The following NLRX1 variants were observed in gnomAD, a reference collection of about 807,000 sequenced individuals.
The protein encoded by NLRX1 is NOD-like receptor X1.
In NLRX1, 67 loss-of-function variants were observed where a neutral mutation model predicts 74.2. The ratio of observed to expected loss-of-function variants is 0.90; its 90% CI spans 0.74 to 1.11. NLRX1 has a LOEUF of 1.11. Among genes scored for constraint, NLRX1 ranks in the 50% least tolerant of loss-of-function variants. NLRX1 has a pLI of 0.00. For missense variants in NLRX1, 1,191 were observed against 1,305.4 expected, an observed-to-expected ratio of 0.91 and a Z score of 1.35; for synonymous variants, 506 against 559.1, an observed-to-expected ratio of 0.91 and a Z score of 1.34.
Position 119,182,279 on chromosome 11 carries a change from C to T in NLRX1, c.2540C>T (p.Ala847Val). ...GAGCTGAACGTGGCGTACAACGGTG[C>T]TGGTGACACAGCGGCCCTGGCCCTG... ...LQELNVAYNG[A>V]GDTAALALAR... is the part of the protein sequence containing the mutation. The change falls in exon 9 of 10, where the codon GCT becomes GTT. Residue 847 changes from alanine (A) to valine (V), a missense_variant. Ala to Val is a moderately conservative substitution (Grantham distance 64). Transcript: ENST00000409109. 6.2e-7 allele frequency: 1 copy of T among 1,613,698 alleles called. No individual in the cohort carries two copies. Among genetic ancestry groups the T allele is most frequent in the Non-Finnish European group, 8.5e-7 (1 of 1,180,036 alleles).
At chr11:119,172,331 T>C (rs777542512) in intron 2 of NLRX1, 25 bp from the exon 3 acceptor site, 3 of 1,579,504 alleles carry the variant, frequency 1.9e-6, no homozygotes, top group Non-Finnish European at 2.6e-6. Context: ...GATCTGCAGA[T>C]GCTATTTCTT....
intron 1 of NLRX1, 134 bp from the exon 2 acceptor site, chr11:119,171,222 G>C (rs1446883905): frequency 1.8e-6 from 1 of 544,136 alleles, no homozygotes; most frequent in African/African-American, 2.0e-5. Context: ...AACCAGGCCA[G>C]GGCTTCAGCA....
In NLRX1 at chr11:119,179,881, C is replaced by T. The variant is rs769171445; in HGVS notation, c.1860C>T (p.Phe620=). The T allele has an allele frequency of 6.2e-6, 10 of 1,613,448 alleles. No homozygotes were observed. The highest frequency in any genetic ancestry group is 2.2e-5 in the South Asian group (2 of 91,018). ...HPDEPPEDEV[F]ELFPMFMGGL... ...ATGAGCCCCCTGAGGATGAAGTCTT[C>T]GAGCTCTTCCCCATGTTCATGGGGG... The change falls in exon 7 of 10, where the codon TTC becomes TTT. Residue 620 remains phenylalanine (F), a synonymous_variant. Coordinates refer to ENST00000409109, the MANE Select transcript of NLRX1 (RefSeq NM_001282144.2).
In NLRX1 at chr11:119,173,688, T is replaced by TCTCA. The variant is rs1017255076; in HGVS notation, c.440_443dup (p.Gln148HisfsTer5). ...GGCCGGGCTCCCCCCACTGGCCTTG[T>TCTCA]CTCAGCTCTTTAACCCGGATGCCTG... On this transcript the variant is annotated frameshift_variant, in exon 5 of 10. Coordinates refer to ENST00000409109, the MANE Select transcript of NLRX1 (RefSeq NM_001282144.2). LOFTEE classifies it high-confidence loss of function. This position sits in a 1 kb window ranked among gnomAD's most constrained non-coding sequence, Gnocchi z 4.0. The TCTCA allele has an allele frequency of 2.5e-6, 4 of 1,614,082 alleles. No individual in the cohort carries two copies. The highest frequency in any genetic ancestry group is 3.4e-6 in the Non-Finnish European group (4 of 1,180,002).
In NLRX1 at chr11:119,173,812, T is replaced by C; in HGVS notation, c.563T>C (p.Leu188Pro). The change falls in exon 5 of 10, where the codon CTG becomes CCG. Residue 188 changes from leucine (L) to proline (P), a missense_variant. Coordinates refer to ENST00000409109, the MANE Select transcript of NLRX1 (RefSeq NM_001282144.2). The surrounding 1 kb of genome is among the most constrained non-coding windows in gnomAD (Gnocchi z 4.0). Reference protein sequence around the residue: ...KMVLDWCYGRLPAFELLIPFS... With the variant: ...KMVLDWCYGRPPAFELLIPFS... Reference sequence around the variant, plus strand: ...GTTCTGGACTGGTGTTATGGGCGGCTGCCGGCCTTCGAGCTGCTCATCCCC... The same window carrying C: ...GTTCTGGACTGGTGTTATGGGCGGCCGCCGGCCTTCGAGCTGCTCATCCCC... 1 of 1,613,598 alleles carries C rather than the reference T, an allele frequency of 6.2e-7. No homozygotes were observed. Among genetic ancestry groups the C allele is most frequent in the Non-Finnish European group, 8.5e-7 (1 of 1,180,022 alleles).
Position 119,173,767 on chromosome 11 carries a change from G to A in NLRX1, c.518G>A (p.Ser173Asn). ...TATGGGACAGTGGGCACAGGCAAGAGCACGCTGGTGCGCAAGATGGTTCTG... is the reference window on the plus strand; with the variant it reads ...TATGGGACAGTGGGCACAGGCAAGAACACGCTGGTGCGCAAGATGGTTCTG... ...VLYGTVGTGKSTLVRKMVLDW... is the reference protein window; with the variant it reads ...VLYGTVGTGKNTLVRKMVLDW... The change falls in exon 5 of 10, where the codon AGC becomes AAC. Residue 173 changes from serine to asparagine, a missense_variant. Physicochemically the swap from Ser to Asn is conservative, Grantham distance 46 (BLOSUM62 1). Coordinates refer to ENST00000409109, the MANE Select transcript of NLRX1 (RefSeq NM_001282144.2). This position sits in a 1 kb window ranked among gnomAD's most constrained non-coding sequence, Gnocchi z 4.0. 6.2e-7 allele frequency: 1 copy of A among 1,613,668 alleles called. No homozygotes were observed.
In NLRX1 at chr11:119,180,253, A is replaced by G. The variant is rs755056590; in HGVS notation, c.2232A>G (p.Thr744=). 1.3e-6 allele frequency: 2 copies of G among 1,593,726 alleles called. No homozygotes were observed. Among genetic ancestry groups the G allele is most frequent in the South Asian group, 1.1e-5 (1 of 89,848 alleles). ...AGCTAGATCCTGCTGGGCTGCGCAC[A>G]CTCCTGCCTGTCTTCCTGCGTGCCC... ...SCQLDPAGLR[T]LLPVFLRARK... is the part of the protein sequence containing the mutation. The change falls in exon 7 of 10, where the codon ACA becomes ACG. Residue 744 remains threonine, a synonymous_variant. Transcript: ENST00000409109.
In NLRX1 at chr11:119,183,809, C is replaced by T. The variant is rs1315217056; in HGVS notation, c.*370C>T. 3 of 780,824 alleles carry T rather than the reference C, an allele frequency of 3.8e-6. No individual in the cohort carries two copies. The highest frequency in any genetic ancestry group is 2.7e-5 in the South Asian group (2 of 74,620). The allele number at this position is 780,824 out of a possible 1,614,324, so 48.4% of individuals were successfully genotyped here. ...TCACCAAGGGGCTCACATCTTATGT[C>T]TGCCATGCCAGGGGTGTCGCCATCC... is the stretch of plus-strand genomic sequence containing the variant. On this transcript the variant is annotated 3_prime_UTR_variant, in exon 10 of 10. Coordinates refer to ENST00000409109, the MANE Select transcript of NLRX1 (RefSeq NM_001282144.2). The surrounding 1 kb of genome is among the most constrained non-coding windows in gnomAD (Gnocchi z 5.7).
chr11:119,182,171 ACCTGT>A lies in NLRX1; in HGVS notation c.2435_2439del (p.Leu812ProfsTer36). On this transcript the variant is annotated frameshift_variant, in exon 9 of 10. Coordinates refer to ENST00000409109, the MANE Select transcript of NLRX1 (RefSeq NM_001282144.2). LOFTEE classifies it high-confidence loss of function. Reference sequence around the variant, plus strand: ...CTGGCAGGAAACACCTCAGTGACGCACCTGTCCCTGCTGCACACGGGCCTTGGGGA... The same window carrying A: ...CTGGCAGGAAACACCTCAGTGACGCACCCTGCTGCACACGGGCCTTGGGGA... 1 of 1,614,044 alleles carries A rather than the reference ACCTGT, an allele frequency of 6.2e-7. No individual in the cohort carries two copies. Among genetic ancestry groups the A allele is most frequent in the African/African-American group, 1.3e-5 (1 of 75,036 alleles).
chr11:119,169,780 A>C (rs1164975487), intron 1 of NLRX1, among the ~76,000 whole-genome samples: 3 of 152,140 alleles, frequency 2.0e-5, no homozygotes, highest in Non-Finnish European at 4.4e-5. Flanking sequence ...ACTTGAGCCC[A>C]GGAGTTCGAG....
chr11:119,171,733 A>G (rs916602452), intron 2 of NLRX1, among the ~76,000 whole-genome samples: 1 of 152,080 alleles, frequency 6.6e-6, no homozygotes, highest in Non-Finnish European at 1.5e-5. Flanking sequence ...CAGGCGGATC[A>G]CAAGATCAGG....
At position 119,174,702 on chromosome 11, in the gene NLRX1, G is replaced by A; in HGVS notation, c.1099G>A (p.Ala367Thr). Residue 367 changes from alanine (A) to threonine (T), a missense_variant, in exon 6 of 10, where the codon GCC (alanine) becomes ACC (threonine). Transcript: ENST00000409109. The stretch of plus-strand genomic sequence containing the variant: ...GGAGGGGCACCACCAGATAGCCGCT[G>A]CCTGCTTCCTGCCGTCCTATTGCTG... The part of the protein sequence containing the change: ...NLEGHHQIAA[A>T]CFLPSYCWLV... The A allele has an allele frequency of 6.2e-7, 1 of 1,613,962 alleles. No individual in the cohort carries two copies. Among genetic ancestry groups the A allele is most frequent in the Non-Finnish European group, 8.5e-7 (1 of 1,180,046 alleles).
Position 119,173,120 on chromosome 11 carries a change from C to G in NLRX1, c.229+131C>G. 4.2e-6 allele frequency: 3 copies of G among 711,204 alleles called. No individual in the cohort carries two copies. The highest frequency in any genetic ancestry group is 7.5e-6 in the Non-Finnish European group (3 of 402,458). The allele number at this position is 711,204 out of a possible 1,614,324, so 44.1% of individuals were successfully genotyped here. Reference sequence around the variant, plus strand: ...CGGTGGTCCCTCCTCCTCTCTCTCTCTCCCTCCCATCCGTCTATGTATCCC... The same window carrying G: ...CGGTGGTCCCTCCTCCTCTCTCTCTGTCCCTCCCATCCGTCTATGTATCCC... On this transcript the variant is annotated intron_variant, in intron 4 of 9. Transcript: ENST00000409109. This position sits in a 1 kb window ranked among gnomAD's most constrained non-coding sequence, Gnocchi z 4.0.
rs1397893507 is a variant in NLRX1, at chr11:119,173,672, C to T, written c.423C>T (p.Leu141=). The T allele has an allele frequency of 6.2e-7, 1 of 1,613,988 alleles. No individual in the cohort carries two copies. The highest frequency in any genetic ancestry group is 2.2e-5 in the East Asian group (1 of 44,882). The change falls in exon 5 of 10, where the codon CTC becomes CTT. Residue 141 remains leucine, a synonymous_variant. Transcript: ENST00000409109. This position sits in a 1 kb window ranked among gnomAD's most constrained non-coding sequence, Gnocchi z 4.0. Reference sequence around the variant, plus strand: ...AGCATCAGCCACCCCAGGCCGGGCTCCCCCCACTGGCCTTGTCTCAGCTCT... The same window carrying T: ...AGCATCAGCCACCCCAGGCCGGGCTTCCCCCACTGGCCTTGTCTCAGCTCT... ...ALEHQPPQAG[L]PPLALSQLFN... is the part of the protein sequence containing the mutation.
chr11:119,170,292 G>A (rs762236608), intron 1 of NLRX1, among the ~76,000 whole-genome samples: 1 of 152,066 alleles, frequency 6.6e-6, no homozygotes, highest in Admixed American at 6.6e-5. Context: ...TGAGGAGATC[G>A]GGTCCAATAA....
intron 1 of NLRX1, among the ~76,000 whole-genome samples, chr11:119,170,305 G>A (rs1344206278): frequency 6.6e-6 from 1 of 152,170 alleles, no homozygotes; most frequent in Non-Finnish European, 1.5e-5. Flanking sequence ...TCCAATAAAT[G>A]CTGGTCGGGG....
At position 119,174,074 on chromosome 11, in the gene NLRX1, G is replaced by A. The variant is rs1302730097; in HGVS notation, c.825G>A (p.Leu275=). The change falls in exon 5 of 10, where the codon CTG becomes CTA. Residue 275 remains leucine, a synonymous_variant. Transcript: ENST00000409109. ...AACCAGCTGCTATCATCGTCAACCT[G>A]CTGCGCAAATACATGCTGCCTCAGG... The part of the protein sequence containing the change: ...PQEPAAIIVN[L]LRKYMLPQAS... 6.2e-7 allele frequency: 1 copy of A among 1,613,970 alleles called. No homozygotes were observed. Among genetic ancestry groups the A allele is most frequent in the African/African-American group, 1.3e-5 (1 of 74,926 alleles).
rs542751183 is a variant in NLRX1, at chr11:119,178,554, A to G, written c.1672-1139A>G. 2.6e-5 allele frequency among the ~76,000 whole-genome samples: 4 copies of G among 152,298 alleles called. No homozygotes were observed. The South Asian group carries it at 8.3e-4, about 32-fold the overall frequency. On this transcript the variant is annotated intron_variant, in intron 6 of 9. Transcript: ENST00000409109. ...CTGGGAAGAAGGAGCCCCAGATGCC[A>G]TGAAAGTGTATAGTGGGGGAACTGG...
chr11:119,172,158 A>G (rs1018339045), intron 2 of NLRX1, among the ~76,000 whole-genome samples, 198 bp from the exon 3 acceptor site: 7 of 152,262 alleles, frequency 4.6e-5, no homozygotes, highest in Admixed American at 4.6e-4. Flanking sequence ...AAAACACCCA[A>G]ATGTGATCCC....
Sources: gnomAD v4.1 joint callset for allele counts (sites outside exome capture counted in the v4.1 genomes callset) on GRCh38, gnomAD v4.1.1 for gene constraint, Gnocchi (gnomAD v3.1) non-coding constraint, MANE v1.5 for transcripts, NCBI Gene and HGNC (gene_info 2026-07-23, HGNC 2026-07-21) for gene names.